The following PRKCB variants were observed in gnomAD, a reference collection of about 807,000 sequenced individuals.
PRKCB encodes protein kinase C beta.
A neutral mutation model predicts 81.5 loss-of-function variants in PRKCB; 13 were observed. That is an observed-to-expected ratio of 0.16 (90% CI 0.10 to 0.25). The LOEUF is 0.25. Among genes scored for constraint, PRKCB ranks in the 10% least tolerant of loss-of-function variants. The pLI is 1.00. For missense variants in PRKCB, 509 were observed against 875.7 expected (o/e 0.58, Z 5.29); for synonymous variants, 335 against 321.4 (o/e 1.04, Z -0.45).
Position 24,218,847 on chromosome 16 carries a change from C to T in PRKCB, c.*4031C>T. The T allele has an allele frequency of 2.0e-6, 2 of 985,460 alleles. No individual in the cohort carries two copies. Among genetic ancestry groups the T allele is most frequent in the Non-Finnish European group, 2.4e-6 (2 of 829,954 alleles). 61.0% of individuals were successfully genotyped at this position (985,460 alleles called of 1,614,324 possible). On this transcript the variant is annotated 3_prime_UTR_variant, in exon 17 of 17. Coordinates refer to ENST00000643927, the MANE Select transcript of PRKCB (RefSeq NM_002738.7). ...CTTCCCTGGTTGTCTTGTAATAAAA[C>T]AGCCATGGGGTTGTCCCTCCAGTCC...
At chr16:24,189,002 C>T (rs1967747996) in intron 15 of PRKCB, among the ~76,000 whole-genome samples, 1 of 152,166 alleles carries the variant, frequency 6.6e-6, no homozygotes, top group Admixed American at 6.5e-5. Flanking sequence ...TGAACCAAAA[C>T]CTCACTGCCC....
intron 9 of PRKCB, among the ~76,000 whole-genome samples, chr16:24,137,416 T>A (rs1966868849): frequency 6.6e-6 from 1 of 152,158 alleles, no homozygotes; most frequent in Admixed American, 6.5e-5. Flanking sequence ...CTTAAACTTC[T>A]GGCCACCAGC....
At chr16:23,849,126 AT>A (rs1255121856) in intron 2 of PRKCB, among the ~76,000 whole-genome samples, 1 of 152,216 alleles carries the variant, frequency 6.6e-6, no homozygotes, top group African/African-American at 2.4e-5. Context: ...CAACACTTTA[AT>A]TTGTGGGAAA....
intron 3 of PRKCB, among the ~76,000 whole-genome samples, chr16:24,014,934 C>T (rs75663121): frequency 0.072 from 10,970 of 152,154 alleles, 769 homozygotes; most frequent in African/African-American, 0.18. Context: ...GTAGCTGGGA[C>T]TACAGGCACC....
chr16:23,973,462 C>G (rs1308545004), intron 2 of PRKCB, among the ~76,000 whole-genome samples: 5 of 151,806 alleles, frequency 3.3e-5, no homozygotes, highest in Admixed American at 1.3e-4. Context: ...GGATTACAGG[C>G]GTGAGCCACC....
intron 9 of PRKCB, among the ~76,000 whole-genome samples, chr16:24,132,707 A>G (rs1966855072): frequency 6.6e-6 from 1 of 152,022 alleles, no homozygotes; most frequent in Non-Finnish European, 1.5e-5. Flanking sequence ...AACTTGCTGA[A>G]GTCACACAGC....
intron 2 of PRKCB, among the ~76,000 whole-genome samples, chr16:23,950,713 T>C (rs1964269289): frequency 6.6e-6 from 1 of 152,236 alleles, no homozygotes; most frequent in Non-Finnish European, 1.5e-5. Flanking sequence ...CTGTCTTGTC[T>C]ATCTAGGCCT....
intron 2 of PRKCB, among the ~76,000 whole-genome samples, chr16:23,876,032 C>G (rs1275078748): frequency 2.0e-5 from 3 of 152,068 alleles, no homozygotes; most frequent in African/African-American, 7.2e-5. Context: ...GCCCCATAGG[C>G]GTTTATGTTT....
In PRKCB at chr16:24,002,313, A is replaced by ATGTG. The variant is rs928736552; in HGVS notation, c.288+13730_288+13733dup. On this transcript the variant is annotated intron_variant, in intron 3 of 16. Transcript: ENST00000643927. ...CCAAAGCACAGGTGTGTGTGTGTGT[A>ATGTG]TGTGTGTGTGCGTGCGTGTGTGTGT... Among the ~76,000 whole-genome samples the ATGTG allele has an allele frequency of 6.0e-5, 8 of 133,642 alleles. No individual in the cohort carries two copies. The East Asian group carries it at 1.9e-3, about 33-fold the overall frequency. 87.7% of individuals were successfully genotyped at this position (133,642 alleles called of 152,430 possible).
intron 2 of PRKCB, among the ~76,000 whole-genome samples, chr16:23,910,924 A>G (rs571872054): frequency 1.3e-5 from 2 of 152,182 alleles, no homozygotes; most frequent in East Asian, 1.9e-4. Context: ...GAATCATACA[A>G]TGAATGATCC....
chr16:24,107,894 T>G (rs1185665729), intron 7 of PRKCB, among the ~76,000 whole-genome samples: 4 of 152,216 alleles, frequency 2.6e-5, no homozygotes, highest in Non-Finnish European at 5.9e-5. Flanking sequence ...CCCCAAATAC[T>G]CTAGATGGTT....
chr16:23,847,540 TCATCCATCCAACCATC>T (rs1280053393), intron 2 of PRKCB, among the ~76,000 whole-genome samples: 2 of 30,962 alleles, frequency 6.5e-5, no homozygotes, highest in East Asian at 1.5e-3. Context: ...ATTCTTCCAT[TCATCCATCCAACCATC>T]CATCCATCCA....
At chr16:24,006,834 C>T (rs1162963856) in intron 3 of PRKCB, among the ~76,000 whole-genome samples, 1 of 117,552 alleles carries the variant, frequency 8.5e-6, no homozygotes, top group Non-Finnish European at 1.8e-5. Context: ...ATACGGGGAG[C>T]AGGGGGTGGG....
chr16:24,023,363 G>C (rs1167903764), intron 3 of PRKCB, among the ~76,000 whole-genome samples: 2 of 152,176 alleles, frequency 1.3e-5, no homozygotes, highest in African/African-American at 4.8e-5. Flanking sequence ...TTAAAGGCAG[G>C]ACTGATACTT....
intron 2 of PRKCB, among the ~76,000 whole-genome samples, chr16:23,894,827 A>G (rs1022627581): frequency 6.6e-6 from 1 of 151,960 alleles, no homozygotes; most frequent in African/African-American, 2.4e-5. Context: ...TACATTTAGG[A>G]CCTTTGAGTC....
At chr16:24,000,099 G>C (rs1419110670) in intron 3 of PRKCB, among the ~76,000 whole-genome samples, 2 of 152,182 alleles carry the variant, frequency 1.3e-5, no homozygotes, top group African/African-American at 4.8e-5. Context: ...TAAAAAGCTA[G>C]TCTCTGGCCA....
chr16:23,922,045 T>C (rs998587833), intron 2 of PRKCB, among the ~76,000 whole-genome samples: 2 of 152,180 alleles, frequency 1.3e-5, no homozygotes, highest in Non-Finnish European at 2.9e-5. Flanking sequence ...CTGACTGAGA[T>C]GTTTGGTGTT....
At chr16:24,173,215 G>C (rs1006792460) in intron 11 of PRKCB, among the ~76,000 whole-genome samples, 1 of 152,164 alleles carries the variant, frequency 6.6e-6, no homozygotes, top group Non-Finnish European at 1.5e-5. Context: ...TGTTTCCTCT[G>C]CTGAGTCAAT....
At chr16:24,009,790 G>A (rs1965177601) in intron 3 of PRKCB, among the ~76,000 whole-genome samples, 1 of 151,928 alleles carries the variant, frequency 6.6e-6, no homozygotes, top group Admixed American at 6.6e-5. Flanking sequence ...GAGGTAGGGG[G>A]GATCACTTGA....
Sources: gnomAD v4.1 joint callset for allele counts (sites outside exome capture counted in the v4.1 genomes callset) on GRCh38, gnomAD v4.1.1 for gene constraint, MANE v1.5 for transcripts, NCBI Gene and HGNC (gene_info 2026-07-23, HGNC 2026-07-21) for gene names.